The following NKAIN3 variants were observed in gnomAD, a reference collection of about 807,000 sequenced individuals.
NKAIN3 encodes the protein sodium/potassium-transporting ATPase subunit beta-1-interacting protein 3.
Under a neutral mutation model 30.2 loss-of-function variants are expected in NKAIN3, and 25 were observed. The observed-to-expected ratio is 0.83, with a 90% CI of 0.60 to 1.16. The LOEUF (loss-of-function observed/expected upper bound fraction) is 1.16. Ranked by LOEUF, NKAIN3 falls within the 50% of genes most tolerant of loss-of-function variation. The pLI is 0.00. For missense variants in NKAIN3, 225 were observed against 254.1 expected, an observed-to-expected ratio of 0.89 and a Z score of 0.78; for synonymous variants, 91 against 89.6, an observed-to-expected ratio of 1.02 and a Z score of -0.09.
chr8:62,958,618 C>A (rs1056426542), intron 6 of NKAIN3, among the ~76,000 whole-genome samples: 2 of 152,116 alleles, frequency 1.3e-5, no homozygotes, highest in African/African-American at 4.8e-5. Context: ...AGAGGGTTAG[C>A]AAAAGCAGAT....
intron 1 of NKAIN3, among the ~76,000 whole-genome samples, chr8:62,501,770 G>A (rs148167885): frequency 2.6e-5 from 4 of 152,136 alleles, no homozygotes; most frequent in Non-Finnish European, 4.4e-5. Flanking sequence ...TAAGCCACTG[G>A]GCTTACATTT....
At chr8:62,563,523 C>T (rs113590532) in intron 1 of NKAIN3, among the ~76,000 whole-genome samples, 2,298 of 152,106 alleles carry the variant, frequency 0.015, 27 homozygotes, top group Non-Finnish European at 0.023. Flanking sequence ...AAAACCCTTC[C>T]CTTGGCAAGA....
intron 1 of NKAIN3, among the ~76,000 whole-genome samples, chr8:62,389,860 G>A (rs1817537941): frequency 6.6e-6 from 1 of 152,100 alleles, no homozygotes; most frequent in Non-Finnish European, 1.5e-5. Flanking sequence ...GTTTTATCTA[G>A]TTTTTGTTGT....
rs142851776 is a variant in NKAIN3 at position 62,677,186 on chromosome 8, A to C, written c.274-69746A>C. Among the ~76,000 whole-genome samples the C allele has an allele frequency of 7.0e-4, 107 of 152,308 alleles. 1 individual carries two copies. The Middle Eastern group carries it at 0.01, about 15-fold the overall frequency. On this transcript the variant is annotated intron_variant, in intron 3 of 6. Transcript: ENST00000623646. ...GTGCGTTCTCAGAAATAGCACCTGT[A>C]AGGAAGGTAGGGACGCAGGGTTAGC... is the stretch of plus-strand genomic sequence containing the variant.
At chr8:62,713,844 G>A (rs1349533689) in intron 3 of NKAIN3, among the ~76,000 whole-genome samples, 4 of 152,252 alleles carry the variant, frequency 2.6e-5, no homozygotes, top group African/African-American at 9.6e-5. Flanking sequence ...GGTTTCTGAG[G>A]AAGCTGTAAA....
rs1823844002 is a variant in NKAIN3 at position 62,971,912 on chromosome 8, GC to G, written c.*6506del. On this transcript the variant is annotated 3_prime_UTR_variant, in exon 7 of 7. Coordinates refer to ENST00000623646, the MANE Select transcript of NKAIN3 (RefSeq NM_001304533.3). ...AGAAAGAAATGAAAATAAATCAGTAGCACTACATCCTTCTAGGTTTCCCATA... is the reference window on the plus strand; with the variant it reads ...AGAAAGAAATGAAAATAAATCAGTAGACTACATCCTTCTAGGTTTCCCATA... 6.6e-6 allele frequency among the ~76,000 whole-genome samples: 1 copy of G among 152,084 alleles called. No individual in the cohort carries two copies. Among genetic ancestry groups the G allele is most frequent in the Non-Finnish European group, 1.5e-5 (1 of 67,998 alleles).
chr8:62,849,184 T>G (rs1819785314), intron 4 of NKAIN3, among the ~76,000 whole-genome samples: 1 of 151,368 alleles, frequency 6.6e-6, no homozygotes, highest in South Asian at 2.1e-4. Flanking sequence ...ATAGAATAAG[T>G]TAGGGAGGAG....
intron 1 of NKAIN3, among the ~76,000 whole-genome samples, chr8:62,368,612 G>T (rs1185401937): frequency 6.6e-6 from 1 of 152,022 alleles, no homozygotes; most frequent in Non-Finnish European, 1.5e-5. Flanking sequence ...CTGATAACAA[G>T]AACTATCATA....
chr8:62,498,106 T>C (rs1262387663), intron 1 of NKAIN3, among the ~76,000 whole-genome samples: 2 of 152,126 alleles, frequency 1.3e-5, no homozygotes, highest in South Asian at 4.1e-4. Context: ...CGTCAAACCT[T>C]TGGGTTGGAT....
At chr8:62,800,991 C>A (rs56946009) in intron 4 of NKAIN3, among the ~76,000 whole-genome samples, 1 of 151,984 alleles carries the variant, frequency 6.6e-6, no homozygotes, top group Non-Finnish European at 1.5e-5. Flanking sequence ...GAGGGTCCTA[C>A]ACCCACGGAG....
chr8:62,984,763 T>A lies in NKAIN3; in HGVS notation c.*19356T>A, dbSNP rs1403068622. 2 of 152,228 alleles carry A rather than the reference T, an allele frequency of 1.3e-5. No homozygotes were observed. The highest frequency in any genetic ancestry group is 4.8e-5 in the African/African-American group (2 of 41,466). 9.4% of individuals were successfully genotyped at this position (152,228 alleles called of 1,614,324 possible). Reference sequence around the variant, plus strand: ...TGTATATTATACTCATATTTGAAAGTGATCAGAAAGTGTTATTTAACAGAA... The same window carrying A: ...TGTATATTATACTCATATTTGAAAGAGATCAGAAAGTGTTATTTAACAGAA... On this transcript the variant is annotated 3_prime_UTR_variant, in exon 7 of 7. Coordinates refer to ENST00000623646, the MANE Select transcript of NKAIN3 (RefSeq NM_001304533.3).
rs1340173767 is a variant in NKAIN3 at position 62,972,796 on chromosome 8, G to C, written c.*7389G>C. ...ACCCATCAATTCATCATCTACATTA[G>C]GTATATCTCCTAATGTTATCCCTCC... On this transcript the variant is annotated 3_prime_UTR_variant, in exon 7 of 7. Transcript: ENST00000623646. Among the ~76,000 whole-genome samples the C allele has an allele frequency of 6.6e-6, 1 of 152,010 alleles. No homozygotes were observed. The highest frequency in any genetic ancestry group is 1.5e-5 in the Non-Finnish European group (1 of 68,010).
chr8:62,851,251 T>G (rs1819886914), intron 4 of NKAIN3, among the ~76,000 whole-genome samples: 1 of 152,202 alleles, frequency 6.6e-6, no homozygotes, highest in South Asian at 2.1e-4. Flanking sequence ...GATTTGGCTC[T>G]CTGTTTGTCT....
intron 1 of NKAIN3, among the ~76,000 whole-genome samples, chr8:62,395,153 A>G (rs35113272): frequency 0.59 from 88,659 of 150,202 alleles, 27,466 homozygotes; most frequent in Non-Finnish European, 0.68. Context: ...CGGCGACGGG[A>G]CAGAGGCGGT....
chr8:62,299,250 A>T (rs971292654), intron 1 of NKAIN3, among the ~76,000 whole-genome samples: 1 of 152,138 alleles, frequency 6.6e-6, no homozygotes, highest in East Asian at 1.9e-4. Context: ...AAAGAAGAGA[A>T]AAACCTCCTC....
intron 4 of NKAIN3, among the ~76,000 whole-genome samples, chr8:62,878,666 C>A (rs1820876396): frequency 9.3e-6 from 1 of 107,930 alleles, no homozygotes; most frequent in Non-Finnish European, 1.7e-5. Flanking sequence ...TTTCCCCTCC[C>A]CCCACCCCAC....
chr8:62,619,698 T>TAAA (rs111630029), intron 3 of NKAIN3, among the ~76,000 whole-genome samples: 145 of 141,848 alleles, frequency 1.0e-3, no homozygotes, highest in East Asian at 4.1e-3. Context: ...TCAAATATTG[T>TAAA]AAAAAAAAAA....
chr8:62,838,125 C>G (rs554041064), intron 4 of NKAIN3, among the ~76,000 whole-genome samples: 3 of 100,062 alleles, frequency 3.0e-5, no homozygotes, highest in Non-Finnish European at 6.4e-5. Flanking sequence ...TGAACAATAC[C>G]GCTCTGTGTG....
chr8:62,323,092 G>A (rs1814994317), intron 1 of NKAIN3, among the ~76,000 whole-genome samples: 1 of 152,138 alleles, frequency 6.6e-6, no homozygotes, highest in Admixed American at 6.5e-5. Flanking sequence ...AATGCAAAAT[G>A]GTAGAGGCAT....
Sources: allele counts gnomAD v4.1 joint callset (sites outside exome capture counted in the v4.1 genomes callset), GRCh38; gene constraint gnomAD v4.1.1; transcripts MANE v1.5; gene names NCBI Gene and HGNC (gene_info 2026-07-23, HGNC 2026-07-21).